Variants in AK5 observed in about 807,000 individuals in gnomAD.
The protein encoded by AK5 is adenylate kinase isoenzyme 5.
Under a neutral mutation model 69.5 loss-of-function variants are expected in AK5, and 27 were observed. The observed-to-expected ratio is 0.39, with a 90% CI of 0.29 to 0.54. The LOEUF (loss-of-function observed/expected upper bound fraction) is 0.54. Ranked by LOEUF, AK5 falls within the 20% of genes least tolerant of loss-of-function variation. AK5 has a pLI of 0.71. For synonymous variants in AK5, 260 were observed against 244.4 expected (o/e 1.06, Z -0.60); for missense variants, 531 against 700.4 (o/e 0.76, Z 2.73).
chr1:77,365,481 G>A (rs1022086360), intron 6 of AK5, among the ~76,000 whole-genome samples: 2 of 152,180 alleles, frequency 1.3e-5, no homozygotes, highest in African/African-American at 4.8e-5. Context: ...CTGTAGGTCA[G>A]CAGTCCCCAA....
At chr1:77,359,425 A>G (rs1217051216) in intron 6 of AK5, among the ~76,000 whole-genome samples, 2 of 152,204 alleles carry the variant, frequency 1.3e-5, no homozygotes, top group Non-Finnish European at 2.9e-5. Flanking sequence ...GGAAGTTAAA[A>G]TGGTTTTTAT....
At position 77,445,033 on chromosome 1, in the gene AK5, T is replaced by C. The variant is rs114622754; in HGVS notation, c.1059+27318T>C. Among the ~76,000 whole-genome samples, 815 of 152,286 alleles carry C rather than the reference T, an allele frequency of 5.4e-3. 7 individuals carry two copies. Among genetic ancestry groups the C allele is most frequent in the African/African-American group, 0.015 (642 of 41,550 alleles). On this transcript the variant is annotated intron_variant, in intron 8 of 13. Transcript: ENST00000354567. Reference sequence around the variant, plus strand: ...TTTCTCTTTTACAGATGAATGATATTCTATTGGTATATCTAGATTGTTTCC... The same window carrying C: ...TTTCTCTTTTACAGATGAATGATATCCTATTGGTATATCTAGATTGTTTCC...
At position 77,518,559 on chromosome 1, in the gene AK5, T is replaced by A; in HGVS notation, c.1148-5T>A. ...TGCATGTCTGACACATGACTTCTTTTCAAGGTGGTCCTGGCTCTGGCAAAG... is the reference window on the plus strand; with the variant it reads ...TGCATGTCTGACACATGACTTCTTTACAAGGTGGTCCTGGCTCTGGCAAAG... On this transcript the variant is annotated splice_polypyrimidine_tract_variant and splice_region_variant and intron_variant, in intron 10 of 13. Transcript: ENST00000354567. 6.2e-7 allele frequency: 1 copy of A among 1,613,482 alleles called. No individual in the cohort carries two copies. Among genetic ancestry groups the A allele is most frequent in the Non-Finnish European group, 8.5e-7 (1 of 1,179,692 alleles).
chr1:77,523,534 T>C (rs1658110718), intron 12 of AK5, among the ~76,000 whole-genome samples: 1 of 152,206 alleles, frequency 6.6e-6, no homozygotes, highest in Non-Finnish European at 1.5e-5. Context: ...AAAATAGACA[T>C]AACAAAATTT....
intron 12 of AK5, among the ~76,000 whole-genome samples, chr1:77,532,967 A>G (rs568339107): frequency 3.9e-5 from 6 of 152,350 alleles, no homozygotes; most frequent in African/African-American, 9.6e-5. Context: ...CTAATGATAC[A>G]TAGCGAAGCA....
Position 77,505,732 on chromosome 1 carries a change from A to C in AK5, c.1148-12832A>C, listed in dbSNP as rs190679549. Reference sequence around the variant, plus strand: ...AAATAAAATAAAGTAAAAAAAAAAAAACAAAAATTAGCTGAGCATGGTCTT... The same window carrying C: ...AAATAAAATAAAGTAAAAAAAAAAACACAAAAATTAGCTGAGCATGGTCTT... On this transcript the variant is annotated intron_variant, in intron 10 of 13. Coordinates refer to ENST00000354567, the MANE Select transcript of AK5 (RefSeq NM_174858.3). Among the ~76,000 whole-genome samples, 25 of 151,650 alleles carry C rather than the reference A, an allele frequency of 1.6e-4. No individual in the cohort carries two copies. The East Asian group carries it at 4.8e-3, about 29-fold the overall frequency.
intron 13 of AK5, among the ~76,000 whole-genome samples, chr1:77,552,516 T>C (rs1659872338): frequency 6.6e-6 from 1 of 152,170 alleles, no homozygotes; most frequent in African/African-American, 2.4e-5. Context: ...GCCACTGTGA[T>C]AGTCAGTGGG....
intron 8 of AK5, among the ~76,000 whole-genome samples, chr1:77,466,646 C>T (rs1476168636): frequency 1.3e-5 from 2 of 152,212 alleles, no homozygotes; most frequent in African/African-American, 2.4e-5. Flanking sequence ...ATTTAATCCT[C>T]ACACTTCTGG....
At chr1:77,291,890 C>G (rs572196396) in intron 2 of AK5, among the ~76,000 whole-genome samples, 26 of 152,208 alleles carry the variant, frequency 1.7e-4, no homozygotes, top group South Asian at 1.5e-3. Flanking sequence ...GGAGGCTGCA[C>G]TGGATTAGGA....
At chr1:77,543,618 A>G (rs984606620) in intron 13 of AK5, among the ~76,000 whole-genome samples, 12 of 152,006 alleles carry the variant, frequency 7.9e-5, no homozygotes, top group Non-Finnish European at 1.0e-4. Flanking sequence ...TGCAGCCTCA[A>G]CTTCCCTGGG....
chr1:77,305,469 G>T (rs1659584356), intron 5 of AK5, among the ~76,000 whole-genome samples: 1 of 152,138 alleles, frequency 6.6e-6, no homozygotes, highest in Non-Finnish European at 1.5e-5. Context: ...ATAGTTTGAG[G>T]TCTTGGATTT....
At chr1:77,458,103 TA>T (rs35612924) in intron 8 of AK5, among the ~76,000 whole-genome samples, 22,043 of 127,608 alleles carry the variant, frequency 0.17, 1,875 homozygotes, top group South Asian at 0.4. Flanking sequence ...CCCCATTTCT[TA>T]AAAAAAAAAA....
chr1:77,317,577 A>G (rs1262574239), intron 5 of AK5, among the ~76,000 whole-genome samples: 2 of 152,104 alleles, frequency 1.3e-5, no homozygotes, highest in Non-Finnish European at 2.9e-5. Context: ...TCATCTTTTC[A>G]TGCCAGGTGT....
At chr1:77,516,122 T>C (rs1657628302) in intron 10 of AK5, among the ~76,000 whole-genome samples, 1 of 152,070 alleles carries the variant, frequency 6.6e-6, no homozygotes, top group Non-Finnish European at 1.5e-5. Flanking sequence ...TGTGCTAGAA[T>C]ATAGAATATT....
intron 10 of AK5, 138 bp from the exon 11 acceptor site, chr1:77,518,426 G>A (rs1424220626): frequency 3.5e-6 from 3 of 856,858 alleles, no homozygotes; most frequent in Non-Finnish European, 3.6e-6. Context: ...TCTCAGCACA[G>A]CTCCTGGTAT....
intron 13 of AK5, among the ~76,000 whole-genome samples, chr1:77,541,996 G>A (rs1659303599): frequency 6.6e-6 from 1 of 152,084 alleles, no homozygotes; most frequent in African/African-American, 2.4e-5. Context: ...ACTTGGTGCT[G>A]GGGACACAGC....
chr1:77,548,958 C>G (rs1659678461), intron 13 of AK5, among the ~76,000 whole-genome samples: 2 of 139,904 alleles, frequency 1.4e-5, no homozygotes, highest in South Asian at 4.7e-4. Context: ...TCACTGCAAC[C>G]TCCGCCTCTC....
intron 8 of AK5, among the ~76,000 whole-genome samples, chr1:77,431,640 T>C (rs1423924574): frequency 1.3e-5 from 2 of 152,178 alleles, no homozygotes; most frequent in Non-Finnish European, 2.9e-5. Flanking sequence ...CTCTTTTAAA[T>C]CAAGAGTGCT....
intron 5 of AK5, among the ~76,000 whole-genome samples, chr1:77,303,606 C>G (rs1392958282): frequency 1.3e-5 from 2 of 152,304 alleles, no homozygotes; most frequent in Admixed American, 1.3e-4. Context: ...TCCACTGTAC[C>G]TTTGTGAGAA....
Sources: gnomAD v4.1 joint callset for allele counts (sites outside exome capture counted in the v4.1 genomes callset) on GRCh38, gnomAD v4.1.1 for gene constraint, MANE v1.5 for transcripts, NCBI Gene and HGNC (gene_info 2026-07-23, HGNC 2026-07-21) for gene names.